The following CYP2C19 variants were observed in gnomAD, a reference collection of about 807,000 sequenced individuals.
The protein encoded by CYP2C19 is cytochrome P450 family 2 subfamily C member 19, also known as cytochrome P450 2C19.
In CYP2C19, 59 loss-of-function variants were observed where a neutral mutation model predicts 40.9. That is an observed-to-expected ratio of 1.44 (90% CI 1.17 to 1.79). The LOEUF is 1.79. Among genes scored for constraint, CYP2C19 ranks in the 40% most tolerant of loss-of-function variants. The probability of loss-of-function intolerance (pLI) is 0.00; values close to 1 mark genes in which losing one functional copy is unlikely to be tolerated. For synonymous variants in CYP2C19, 253 were observed against 208.7 expected, an observed-to-expected ratio of 1.21 and a Z score of -1.83; for missense variants, 754 against 596.9, an observed-to-expected ratio of 1.26 and a Z score of -2.74.
intron 6 of CYP2C19, among the ~76,000 whole-genome samples, chr10:94,836,874 C>G (rs1415847076): frequency 2.0e-5 from 3 of 152,196 alleles, no homozygotes; most frequent in Non-Finnish European, 4.4e-5. Flanking sequence ...TACTGAAGGA[C>G]AAGAGTGTCC....
intron 6 of CYP2C19, among the ~76,000 whole-genome samples, chr10:94,833,950 C>T (rs1190620125): frequency 6.6e-6 from 1 of 151,964 alleles, no homozygotes; most frequent in African/African-American, 2.4e-5. Flanking sequence ...GGTGTATTGG[C>T]CTGTAGTTTT....
Position 94,853,827 on chromosome 10 carries a change from T to C in CYP2C19, c.*913T>C, listed in dbSNP as rs1849692960. 6.6e-6 allele frequency among the ~76,000 whole-genome samples: 1 copy of C among 151,624 alleles called. No homozygotes were observed. The highest frequency in any genetic ancestry group is 1.9e-4 in the East Asian group (1 of 5,136). On this transcript the variant is annotated 3_prime_UTR_variant, in exon 9 of 9. Transcript: ENST00000371321. Reference sequence around the variant, plus strand: ...TCCCAAAGTGCTGGGATTACAGGAGTGAGACACTGTGCCTGGTCTAATGTT... The same window carrying C: ...TCCCAAAGTGCTGGGATTACAGGAGCGAGACACTGTGCCTGGTCTAATGTT...
At chr10:94,764,001 G>A (rs11188074) in intron 1 of CYP2C19, among the ~76,000 whole-genome samples, 2 of 152,204 alleles carry the variant, frequency 1.3e-5, no homozygotes, top group Middle Eastern at 3.4e-3. Flanking sequence ...AGCTCTTAAA[G>A]GTGGCATGTC....
At chr10:94,822,182 G>A (rs1289644235) in intron 6 of CYP2C19, among the ~76,000 whole-genome samples, 2 of 152,006 alleles carry the variant, frequency 1.3e-5, no homozygotes, top group African/African-American at 4.8e-5. Context: ...TTCTCATGCT[G>A]CTAATAAAGA....
intron 5 of CYP2C19, among the ~76,000 whole-genome samples, chr10:94,820,095 T>C (rs1294775379): frequency 6.6e-6 from 1 of 151,136 alleles, no homozygotes; most frequent in Non-Finnish European, 1.5e-5. Flanking sequence ...TATATGCAAA[T>C]CAATAAATGT....
chr10:94,780,869 C>A (rs1428427028), intron 4 of CYP2C19, among the ~76,000 whole-genome samples: 1 of 152,062 alleles, frequency 6.6e-6, no homozygotes, highest in African/African-American at 2.4e-5. Context: ...GGCTTCTAAG[C>A]CCATTAGCTC....
intron 5 of CYP2C19, among the ~76,000 whole-genome samples, chr10:94,796,254 G>A (rs1044085325): frequency 6.6e-6 from 1 of 152,100 alleles, no homozygotes; most frequent in Non-Finnish European, 1.5e-5. Flanking sequence ...GTTAAACAGG[G>A]AATCCTTTCC....
intron 1 of CYP2C19, among the ~76,000 whole-genome samples, chr10:94,767,065 C>G (rs1848255402): frequency 6.6e-6 from 1 of 152,116 alleles, no homozygotes; most frequent in Non-Finnish European, 1.5e-5. Context: ...GTTTCCTGAT[C>G]AAGTAGGAGG....
At chr10:94,805,859 A>G (rs972795875) in intron 5 of CYP2C19, among the ~76,000 whole-genome samples, 1 of 152,192 alleles carries the variant, frequency 6.6e-6, no homozygotes, top group Non-Finnish European at 1.5e-5. Flanking sequence ...ACATTCTTTG[A>G]GGTCTTTGTC....
intron 5 of CYP2C19, among the ~76,000 whole-genome samples, chr10:94,817,935 C>T (rs1190578565): frequency 6.8e-6 from 1 of 146,186 alleles, no homozygotes; most frequent in East Asian, 2.0e-4. Flanking sequence ...ATGGCGTGAA[C>T]CCGGGAGGCG....
intron 5 of CYP2C19, among the ~76,000 whole-genome samples, chr10:94,809,993 T>G (rs187351744): frequency 3.3e-5 from 5 of 152,282 alleles, no homozygotes; most frequent in African/African-American, 1.2e-4. Context: ...GTGTTTCTCC[T>G]GCCTTAGCCC....
In CYP2C19 at chr10:94,824,298, C is replaced by A. The variant is rs187440750; in HGVS notation, c.961+3661C>A. 3.1e-3 allele frequency among the ~76,000 whole-genome samples: 474 copies of A among 152,030 alleles called. 3 individuals are homozygous for A. The highest frequency in any genetic ancestry group is 0.011 in the African/African-American group (451 of 41,480). On this transcript the variant is annotated intron_variant, in intron 6 of 8. Coordinates refer to ENST00000371321, the MANE Select transcript of CYP2C19 (RefSeq NM_000769.4). ...AGGGTGTGTTCAAATATGAGGTGAA[C>A]ATGGAGATTAAAATTTTCATCTCAT...
intron 5 of CYP2C19, among the ~76,000 whole-genome samples, 178 bp downstream of exon 5, chr10:94,782,175 TG>T (rs534357150): frequency 1.1e-3 from 166 of 152,258 alleles, no homozygotes; most frequent in African/African-American, 3.9e-3. Context: ...AAAATTAAAT[TG>T]TTAAATAATT....
intron 7 of CYP2C19, among the ~76,000 whole-genome samples, chr10:94,849,434 A>C (rs1032136742): frequency 6.6e-6 from 1 of 152,092 alleles, no homozygotes; most frequent in Non-Finnish European, 1.5e-5. Context: ...AAAGAGAAAA[A>C]AAAAGAAAAG....
intron 7 of CYP2C19, among the ~76,000 whole-genome samples, chr10:94,846,068 G>A (rs1007124545): frequency 2.6e-5 from 4 of 152,020 alleles, no homozygotes; most frequent in Non-Finnish European, 4.4e-5. Context: ...TTACTGTACA[G>A]CTTATATTTA....
At chr10:94,791,797 A>G (rs550165636) in intron 5 of CYP2C19, among the ~76,000 whole-genome samples, 53 of 152,184 alleles carry the variant, frequency 3.5e-4, no homozygotes, top group African/African-American at 1.2e-3. Flanking sequence ...TATGTGGTCA[A>G]TTTTGGAATA....
intron 1 of CYP2C19, among the ~76,000 whole-genome samples, chr10:94,765,466 C>T (rs1589815962): frequency 1.3e-5 from 2 of 152,098 alleles, no homozygotes; most frequent in East Asian, 3.8e-4. Context: ...TTCATTTTCC[C>T]ATACTCCTAG....
chr10:94,772,197 C>T (rs963664496), intron 1 of CYP2C19, among the ~76,000 whole-genome samples: 15 of 152,088 alleles, frequency 9.9e-5, no homozygotes, highest in Non-Finnish European at 1.9e-4. Context: ...GATAGAATTT[C>T]TGAGGATCCC....
At chr10:94,784,048 G>A (rs952576805) in intron 5 of CYP2C19, among the ~76,000 whole-genome samples, 12 of 152,024 alleles carry the variant, frequency 7.9e-5, no homozygotes, top group South Asian at 2.1e-4. Context: ...TATTATATTC[G>A]CTAAATAATC....
Sources: gnomAD v4.1 joint callset for allele counts (sites outside exome capture counted in the v4.1 genomes callset) on GRCh38, gnomAD v4.1.1 for gene constraint, MANE v1.5 for transcripts, NCBI Gene and HGNC (gene_info 2026-07-23, HGNC 2026-07-21) for gene names.